PAK3: variants seen among roughly 807,000 people sequenced by gnomAD.
PAK3 encodes the protein p21 (RAC1) activated kinase 3.
PAK3 carries 4 observed loss-of-function variants against 41.0 expected under a neutral mutation model. The observed-to-expected ratio is 0.10, with a 90% confidence interval of 0.05 to 0.22. The LOEUF (loss-of-function observed/expected upper bound fraction) is 0.22, where lower values mean the gene tolerates loss of function less well. Ranked by LOEUF, PAK3 falls within the 10% of genes least tolerant of loss-of-function variation. The probability of loss-of-function intolerance (pLI) is 1.00; values close to 1 mark genes in which losing one functional copy is unlikely to be tolerated. For missense variants in PAK3, 205 were observed against 409.9 expected, an observed-to-expected ratio of 0.50 and a Z score of 4.32; for synonymous variants, 146 against 139.6, an observed-to-expected ratio of 1.05 and a Z score of -0.32.
intron 8 of PAK3, among the ~76,000 whole-genome samples, chrX:111,158,898 T>A (rs758602299): frequency 9.0e-6 from 1 of 111,414 alleles, no homozygotes; most frequent in Admixed American, 9.6e-5. Context: ...CTTGCCCCAG[T>A]AGGCAGACTG....
chrX:110,998,843 G>T (rs767348714), intron 1 of PAK3, among the ~76,000 whole-genome samples: 2 of 112,346 alleles, frequency 1.8e-5, no homozygotes, highest in South Asian at 7.5e-4. Context: ...AATGAGTTGA[G>T]CAAGAAATAC....
intron 4 of PAK3, among the ~76,000 whole-genome samples, chrX:111,107,464 G>A (rs1162131848): frequency 8.9e-6 from 1 of 112,367 alleles, no homozygotes; most frequent in Admixed American, 9.4e-5. Context: ...AAAGACTGTA[G>A]ATTTCCCTGC....
intron 1 of PAK3, among the ~76,000 whole-genome samples, chrX:111,071,858 T>C (rs1344464292): frequency 8.9e-6 from 1 of 112,086 alleles, no homozygotes; most frequent in Admixed American, 9.5e-5. Flanking sequence ...AGTTTCTCAG[T>C]TTTCTAAATA....
chrX:111,187,425 T>C (rs2094521324), intron 11 of PAK3, among the ~76,000 whole-genome samples: 1 of 111,807 alleles, frequency 8.9e-6, no homozygotes, highest in Admixed American at 9.6e-5. Flanking sequence ...GCCAGAACTA[T>C]ATACATTTAA....
At chrX:111,113,829 A>G (rs1603251480) in intron 4 of PAK3, among the ~76,000 whole-genome samples, 1 of 110,706 alleles carries the variant, frequency 9.0e-6, no homozygotes, top group East Asian at 2.9e-4. Flanking sequence ...CCTGTGTCCA[A>G]GTGTTCTCAT....
chrX:111,120,499 G>A (rs751994298), intron 4 of PAK3, among the ~76,000 whole-genome samples: 2 of 111,895 alleles, frequency 1.8e-5, no homozygotes, highest in South Asian at 3.8e-4. Context: ...AAGGAGCATA[G>A]CATTTTAAAT....
intron 1 of PAK3, among the ~76,000 whole-genome samples, chrX:111,081,808 A>G (rs191693451): frequency 2.7e-5 from 3 of 111,204 alleles, no homozygotes; most frequent in Admixed American, 1.9e-4. Context: ...ATGTTTTTAA[A>G]TGGATGATAT....
rs1603373843 is a variant in PAK3 at position 111,192,614 on chromosome X, G to A, written c.988G>A (p.Asp330Asn). 1.6e-5 allele frequency: 14 copies of A among 852,734 alleles called. No homozygotes were observed. Among genetic ancestry groups the A allele is most frequent in the Non-Finnish European group, 2.3e-5 (13 of 568,806 alleles). 70.3% of individuals were successfully genotyped at this position (852,734 alleles called of 1,213,427 possible). A position where few individuals can be genotyped will look rare whatever the true frequency, so the allele number is the denominator to read the frequency against. ...NKNPNIVNYL[D>N]SYLVGDELWV... ...GAACCCTAATATTGTTAATTATTTA[G>A]ATAGGTAAGTGTTTTGTCTTATTAT... Residue 330 changes from aspartate to asparagine, a missense_variant, in exon 13 of 18, where the codon GAT becomes AAT. Transcript: ENST00000372007.
intron 1 of PAK3, among the ~76,000 whole-genome samples, chrX:111,021,174 T>C (rs140723331): frequency 0.014 from 1,514 of 111,993 alleles, 15 homozygotes; most frequent in African/African-American, 0.047. Flanking sequence ...ATCCTCCTTG[T>C]AGGGCCACAG....
chrX:110,951,288 T>C (rs1317700450), intron 1 of PAK3, among the ~76,000 whole-genome samples: 2 of 112,381 alleles, frequency 1.8e-5, no homozygotes, highest in Non-Finnish European at 3.8e-5. Context: ...CTTTTAACTT[T>C]GATTTGGATG....
chrX:111,104,341 A>G (rs1444971313), intron 4 of PAK3, among the ~76,000 whole-genome samples: 1 of 111,274 alleles, frequency 9.0e-6, no homozygotes, highest in African/African-American at 3.3e-5. Context: ...AAACAGAAAA[A>G]CTAAACAAAA....
chrX:111,153,549 G>T (rs777925662), intron 8 of PAK3, among the ~76,000 whole-genome samples: 2 of 111,512 alleles, frequency 1.8e-5, no homozygotes, highest in South Asian at 7.5e-4. Flanking sequence ...GAAATAATTT[G>T]CATTACTGAA....
intron 10 of PAK3, among the ~76,000 whole-genome samples, chrX:111,171,112 G>A (rs888954659): frequency 2.0e-4 from 22 of 111,171 alleles, no homozygotes; most frequent in Non-Finnish European, 4.2e-4. Context: ...CTATGAGTAG[G>A]TTATGACTGG....
chrX:111,147,957 C>T, intron 7 of PAK3, 67 bp downstream of exon 7: 2 of 944,825 alleles, frequency 2.1e-6, no homozygotes, highest in Non-Finnish European at 3.0e-6. Context: ...ATGTTGAGAA[C>T]AAAATGTCTG....
chrX:111,075,843 A>G (rs2092780184), intron 1 of PAK3, among the ~76,000 whole-genome samples: 1 of 112,802 alleles, frequency 8.9e-6, no homozygotes, highest in Non-Finnish European at 1.9e-5. Flanking sequence ...CACAGAAATG[A>G]AACTGCCCAA....
At chrX:111,020,569 A>G (rs756840416) in intron 1 of PAK3, among the ~76,000 whole-genome samples, 1 of 111,713 alleles carries the variant, frequency 9.0e-6, no homozygotes, top group South Asian at 3.9e-4. Context: ...TCAGACAGAC[A>G]GAGCAGTGTA....
At chrX:111,079,343 A>G (rs1017309346) in intron 1 of PAK3, among the ~76,000 whole-genome samples, 1 of 112,023 alleles carries the variant, frequency 8.9e-6, no homozygotes, top group African/African-American at 3.2e-5. Context: ...GCTAATGTTC[A>G]TTTACCATTC....
At chrX:110,953,393 T>C (rs2090786642) in intron 1 of PAK3, among the ~76,000 whole-genome samples, 1 of 112,197 alleles carries the variant, frequency 8.9e-6, no homozygotes. Flanking sequence ...ATGATCCATA[T>C]TGTAATTCCT....
intron 1 of PAK3, among the ~76,000 whole-genome samples, chrX:111,066,332 C>A (rs2092701358): frequency 8.9e-6 from 1 of 112,085 alleles, no homozygotes; most frequent in Non-Finnish European, 1.9e-5. Flanking sequence ...CAGAAGCAAG[C>A]TGTTTAATTT....
Sources: gnomAD v4.1 joint callset for allele counts (sites outside exome capture counted in the v4.1 genomes callset) on GRCh38, gnomAD v4.1.1 for gene constraint, MANE v1.5 for transcripts, NCBI Gene and HGNC (gene_info 2026-07-23, HGNC 2026-07-21) for gene names.